The following SKAP1 variants were observed in gnomAD, a reference collection of about 807,000 sequenced individuals.
SKAP1 encodes src kinase-associated phosphoprotein 1.
In SKAP1, 44 loss-of-function variants were observed where a neutral mutation model predicts 58.5. The ratio of observed to expected loss-of-function variants is 0.75; its 90% CI spans 0.59 to 0.97. The LOEUF is 0.97. Among genes scored for constraint, SKAP1 ranks in the 50% least tolerant of loss-of-function variants. The probability of loss-of-function intolerance (pLI) is 0.00; values close to 1 mark genes in which losing one functional copy is unlikely to be tolerated. For missense variants in SKAP1, 390 were observed against 435.2 expected, an observed-to-expected ratio of 0.90 and a Z score of 0.92; for synonymous variants, 127 against 149.7, an observed-to-expected ratio of 0.85 and a Z score of 1.11.
At chr17:48,170,940 C>T (rs528034338) in intron 9 of SKAP1, among the ~76,000 whole-genome samples, 4 of 152,124 alleles carry the variant, frequency 2.6e-5, no homozygotes, top group African/African-American at 4.8e-5. Context: ...CTCCTGGCAT[C>T]AGGTGATCCA....
intron 2 of SKAP1, among the ~76,000 whole-genome samples, chr17:48,374,278 C>G (rs1567889020): frequency 6.7e-6 from 1 of 150,062 alleles, no homozygotes; most frequent in Non-Finnish European, 1.5e-5. Flanking sequence ...TGGACTCAAG[C>G]AATCTGCCTG....
intron 4 of SKAP1, among the ~76,000 whole-genome samples, chr17:48,235,909 C>T: frequency 6.6e-6 from 1 of 152,148 alleles, no homozygotes. Flanking sequence ...GTATGTAGCT[C>T]AAGGGACCAC....
At chr17:48,407,582 G>T (rs1040443862) in intron 1 of SKAP1, among the ~76,000 whole-genome samples, 1 of 152,220 alleles carries the variant, frequency 6.6e-6, no homozygotes, top group Non-Finnish European at 1.5e-5. Context: ...GGAAAGGCCA[G>T]GTGCAGTGGC....
At chr17:48,247,158 ACTCACTGTGTG>A (rs1043510212) in intron 4 of SKAP1, among the ~76,000 whole-genome samples, 1 of 152,200 alleles carries the variant, frequency 6.6e-6, no homozygotes, top group Non-Finnish European at 1.5e-5. Context: ...GTCTCTGTGT[ACTCACTGTGTG>A]CATTTCACTT....
intron 4 of SKAP1, among the ~76,000 whole-genome samples, chr17:48,286,929 C>G (rs559368086): frequency 6.6e-6 from 1 of 152,074 alleles, no homozygotes; most frequent in South Asian, 2.1e-4. Context: ...AACCCTGTCT[C>G]TACTAATAAC....
chr17:48,184,390 A>C (rs945479686), intron 7 of SKAP1, among the ~76,000 whole-genome samples: 9 of 152,178 alleles, frequency 5.9e-5, no homozygotes, highest in African/African-American at 2.2e-4. Flanking sequence ...AATAAAGAGA[A>C]TGGGAATTTA....
Position 48,186,458 on chromosome 17 carries a change from A to T in SKAP1, c.442+1385T>A, listed in dbSNP as rs982202080. Among the ~76,000 whole-genome samples, 18 of 68,514 alleles carry T rather than the reference A, an allele frequency of 2.6e-4. No individual in the cohort carries two copies. In the East Asian group the frequency reaches 2.9e-3, roughly 11 times the overall value. 44.9% of individuals were successfully genotyped at this position (68,514 alleles called of 152,430 possible). On this transcript the variant is annotated intron_variant, in intron 6 of 12. Transcript: ENST00000336915. ...GTCACTTAGCAAAGCTGCAGTTTTT[A>T]TTTATTTATTTATTTATTTATTTAT...
chr17:48,379,911 T>A (rs570579865), intron 2 of SKAP1, among the ~76,000 whole-genome samples: 2 of 152,298 alleles, frequency 1.3e-5, no homozygotes, highest in East Asian at 1.9e-4. Flanking sequence ...CTCGAACACC[T>A]GACCTCGTCA....
the SKAP1 span, among the ~76,000 whole-genome samples, chr17:48,441,585 C>T: frequency 2.0e-5 from 3 of 152,320 alleles, no homozygotes; most frequent in Admixed American, 6.5e-5. Flanking sequence ...AAAATAGTTA[C>T]GTGACAGAAC....
chr17:48,427,279 A>T (rs2067864808), intron 1 of SKAP1, among the ~76,000 whole-genome samples: 1 of 152,240 alleles, frequency 6.6e-6, no homozygotes, highest in Non-Finnish European at 1.5e-5. Flanking sequence ...TTTAGTCTTA[A>T]AAATATGCCA....
At chr17:48,299,834 G>A (rs1215646578) in intron 4 of SKAP1, among the ~76,000 whole-genome samples, 2 of 152,124 alleles carry the variant, frequency 1.3e-5, no homozygotes, top group Non-Finnish European at 2.9e-5. Flanking sequence ...AGCATGGCCT[G>A]GAAGGATGAG....
intron 1 of SKAP1, among the ~76,000 whole-genome samples, chr17:48,404,223 C>T (rs1033706830): frequency 1.2e-4 from 18 of 152,104 alleles, no homozygotes; most frequent in African/African-American, 3.1e-4. Flanking sequence ...GTGGCCGAGG[C>T]GGGCGGATCA....
intron 11 of SKAP1, among the ~76,000 whole-genome samples, chr17:48,154,688 C>T (rs1420798119): frequency 6.6e-6 from 1 of 152,104 alleles, no homozygotes; most frequent in Non-Finnish European, 1.5e-5. Context: ...TTTAATTTGT[C>T]CTTATCTTCT....
At chr17:48,229,439 G>A in intron 4 of SKAP1, among the ~76,000 whole-genome samples, 1 of 151,962 alleles carries the variant, frequency 6.6e-6, no homozygotes. Context: ...TGGCCAAGAT[G>A]GTTAAACCTC....
chr17:48,170,262 T>C (rs567821762), intron 10 of SKAP1, among the ~76,000 whole-genome samples: 1 of 152,332 alleles, frequency 6.6e-6, no homozygotes, highest in South Asian at 2.1e-4. Context: ...ATTTCCATTC[T>C]TTCCATTCTC....
Position 48,177,955 on chromosome 17 carries a change from T to A in SKAP1, c.826+2099A>T, listed in dbSNP as rs141471800. Among the ~76,000 whole-genome samples the A allele has an allele frequency of 4.0e-3, 613 of 152,188 alleles. 2 individuals carry two copies. The highest frequency in any genetic ancestry group is 0.014 in the African/African-American group (591 of 41,532). ...ACTGTGTGGCCTTCCTCACTTCCAA[T>A]GGGCAGCTGTTGTGGATAGAGGTTA... On this transcript the variant is annotated intron_variant, in intron 9 of 12. Coordinates refer to ENST00000336915, the MANE Select transcript of SKAP1 (RefSeq NM_003726.4).
At chr17:48,320,212 T>A (rs2066343601) in intron 4 of SKAP1, among the ~76,000 whole-genome samples, 1 of 152,122 alleles carries the variant, frequency 6.6e-6, no homozygotes, top group African/African-American at 2.4e-5. Flanking sequence ...TTCAAGAACA[T>A]GTCATCAGGA....
intron 11 of SKAP1, among the ~76,000 whole-genome samples, chr17:48,140,676 T>G (rs1256983687): frequency 1.3e-5 from 2 of 152,152 alleles, no homozygotes; most frequent in Non-Finnish European, 2.9e-5. Context: ...TGGTTCTCTA[T>G]CTCAGTGAGT....
intron 3 of SKAP1, among the ~76,000 whole-genome samples, chr17:48,350,623 G>C (rs8078999): frequency 0.21 from 32,157 of 152,022 alleles, 3,410 homozygotes; most frequent in Admixed American, 0.22. Flanking sequence ...TTGAACCCGG[G>C]AGGCAGAGGT....
Sources: gnomAD v4.1 joint callset for allele counts (sites outside exome capture counted in the v4.1 genomes callset) on GRCh38, gnomAD v4.1.1 for gene constraint, MANE v1.5 for transcripts, NCBI Gene and HGNC (gene_info 2026-07-23, HGNC 2026-07-21) for gene names.